The following AKR1D1 variants were observed in gnomAD, a reference collection of about 807,000 sequenced individuals.
AKR1D1 encodes delta(4)-3-ketosteroid 5-beta-reductase.
AKR1D1 carries 32 observed loss-of-function variants against 42.6 expected under a neutral mutation model. The ratio of observed to expected loss-of-function variants is 0.75; its 90% CI spans 0.57 to 1.01. The LOEUF is 1.01. Among genes scored for constraint, AKR1D1 ranks in the 50% least tolerant of loss-of-function variants. AKR1D1 has a pLI of 0.00. For synonymous variants in AKR1D1, 123 were observed against 135.5 expected (o/e 0.91, Z 0.64); for missense variants, 364 against 402.2 (o/e 0.91, Z 0.81).
intron 8 of AKR1D1, among the ~76,000 whole-genome samples, chr7:138,114,607 C>T (rs1336731123): frequency 6.7e-6 from 1 of 148,514 alleles, no homozygotes; most frequent in Admixed American, 6.8e-5. Context: ...TTGCAGTGAG[C>T]CGAGATCATG....
In AKR1D1 at chr7:138,103,155, C is replaced by G. The variant is rs549801994; in HGVS notation, c.457-2152C>G. On this transcript the variant is annotated intron_variant, in intron 4 of 8. Transcript: ENST00000242375. ...ATCTACACATGCTCAGAAATTTTGC[C>G]ACATAAAGACTCACACTGGAAATCA... Among the ~76,000 whole-genome samples, 256 of 152,038 alleles carry G rather than the reference C, an allele frequency of 1.7e-3. 2 individuals carry two copies. Among genetic ancestry groups the G allele is most frequent in the African/African-American group, 6.0e-3 (249 of 41,468 alleles).
Position 138,115,570 on chromosome 7 carries a change from T to A in AKR1D1, c.939-1050T>A, listed in dbSNP as rs907070242. On this transcript the variant is annotated intron_variant, in intron 8 of 8. Transcript: ENST00000242375. ...TCTAGCAACTTCGGGGAAAAAAAAA[T>A]AACTCTTACCAGGAAATAACTAGAA... Among the ~76,000 whole-genome samples the A allele has an allele frequency of 1.2e-4, 18 of 152,146 alleles. 2 individuals are homozygous for A. The highest frequency in any genetic ancestry group is 5.2e-4 in the Admixed American group (8 of 15,286).
intron 7 of AKR1D1, among the ~76,000 whole-genome samples, chr7:138,112,560 T>C (rs1794555249): frequency 6.6e-6 from 1 of 152,144 alleles, no homozygotes; most frequent in Non-Finnish European, 1.5e-5. Context: ...ATTTTCCTCT[T>C]AATGTGTGTA....
intron 1 of AKR1D1, among the ~76,000 whole-genome samples, chr7:138,082,698 T>G (rs755732167): frequency 6.6e-6 from 1 of 152,222 alleles, no homozygotes; most frequent in African/African-American, 2.4e-5. Context: ...CTCAAGCTTA[T>G]TTCTTTAATC....
intron 5 of AKR1D1, among the ~76,000 whole-genome samples, chr7:138,105,655 C>A (rs1030099898): frequency 6.6e-6 from 1 of 152,014 alleles, no homozygotes; most frequent in Non-Finnish European, 1.5e-5. Flanking sequence ...TTTGGGAGGC[C>A]GAGGCAGGCG....
chr7:138,116,525 G>A, intron 8 of AKR1D1, 95 bp from the exon 9 acceptor site: 2 of 1,291,454 alleles, frequency 1.5e-6, no homozygotes, highest in Non-Finnish European at 1.1e-6. Context: ...GGAGAGAGGG[G>A]TAGTGGTCAG....
At chr7:138,081,506 CTTTTTTTTT>C (rs61466734) in intron 1 of AKR1D1, among the ~76,000 whole-genome samples, 2 of 47,618 alleles carry the variant, frequency 4.2e-5, no homozygotes, top group African/African-American at 1.0e-4. Context: ...GAACTCCTAC[CTTTTTTTTT>C]TTTTTTTTTT....
At chr7:138,086,833 G>A (rs1044831258) in intron 1 of AKR1D1, among the ~76,000 whole-genome samples, 11 of 152,150 alleles carry the variant, frequency 7.2e-5, no homozygotes, top group African/African-American at 2.4e-4. Flanking sequence ...TCAGAAAATA[G>A]AATCAACCCT....
At chr7:138,100,437 A>C (rs1423237424) in intron 4 of AKR1D1, among the ~76,000 whole-genome samples, 1 of 152,134 alleles carries the variant, frequency 6.6e-6, no homozygotes, top group African/African-American at 2.4e-5. Flanking sequence ...GGTTAAAAGC[A>C]AAAGTCTTTC....
At chr7:138,090,682 T>C (rs899206816) in intron 2 of AKR1D1, among the ~76,000 whole-genome samples, 3 of 151,424 alleles carry the variant, frequency 2.0e-5, no homozygotes, top group Non-Finnish European at 4.4e-5. Flanking sequence ...TCTAAACTTA[T>C]ATCCCCCCAA....
intron 2 of AKR1D1, among the ~76,000 whole-genome samples, chr7:138,091,467 C>A (rs1794075601): frequency 6.6e-6 from 1 of 152,150 alleles, no homozygotes; most frequent in Non-Finnish European, 1.5e-5. Context: ...AGAGTTTTAT[C>A]AGCTCATCCT....
chr7:138,089,566 G>C (rs768631045), intron 2 of AKR1D1, among the ~76,000 whole-genome samples: 13 of 152,034 alleles, frequency 8.6e-5, no homozygotes, highest in Non-Finnish European at 1.9e-4. Context: ...TACTATGATA[G>C]AGGCTAAAGT....
Position 138,091,819 on chromosome 7 carries a change from A to C in AKR1D1, c.313A>C (p.Thr105Pro), listed in dbSNP as rs376123232. ...GATGGTCCGCCCAACCCTGGAGAGG[A>C]CACTCAGGGTCCTCCAGCTAGATTA... ...PEMVRPTLER[T>P]LRVLQLDYVD... is the part of the protein sequence containing the mutation. The change falls in exon 3 of 9, where the codon ACA (threonine) becomes CCA (proline). Residue 105 changes from threonine (T) to proline (P), a missense_variant. Coordinates refer to ENST00000242375, the MANE Select transcript of AKR1D1 (RefSeq NM_005989.4). 1 of 1,614,050 alleles carries C rather than the reference A, an allele frequency of 6.2e-7. No individual in the cohort carries two copies. The highest frequency in any genetic ancestry group is 1.3e-5 in the African/African-American group (1 of 74,930).
intron 1 of AKR1D1, among the ~76,000 whole-genome samples, chr7:138,078,087 GAGTAGCTGGGACCACA>G (rs1406200650): frequency 2.0e-5 from 3 of 152,132 alleles, no homozygotes; most frequent in African/African-American, 7.2e-5. Flanking sequence ...TCAACCTCCT[GAGTAGCTGGGACCACA>G]GGCAGGTGCC....
chr7:138,099,721 G>A (rs945670783), intron 4 of AKR1D1, among the ~76,000 whole-genome samples: 5 of 152,046 alleles, frequency 3.3e-5, no homozygotes, highest in Middle Eastern at 3.4e-3. Context: ...GAAACAAGAA[G>A]GTGGGCATAG....
intron 8 of AKR1D1, among the ~76,000 whole-genome samples, chr7:138,116,249 G>T (rs868780222): frequency 6.6e-6 from 1 of 152,148 alleles, no homozygotes; most frequent in African/African-American, 2.4e-5. Flanking sequence ...GAAGAGAAAT[G>T]CCCATGTAGT....
chr7:138,094,046 G>C (rs1462384669), intron 3 of AKR1D1, among the ~76,000 whole-genome samples: 3 of 152,132 alleles, frequency 2.0e-5, no homozygotes, highest in Non-Finnish European at 4.4e-5. Context: ...TTTTGGACTT[G>C]ATAGATAATT....
chr7:138,114,586 G>A (rs1367580553), intron 8 of AKR1D1, among the ~76,000 whole-genome samples: 1 of 149,360 alleles, frequency 6.7e-6, no homozygotes, highest in Non-Finnish European at 1.5e-5. Context: ...CCTGAACCCA[G>A]GAGGCAGAGG....
chr7:138,081,056 T>G (rs73155730), intron 1 of AKR1D1, among the ~76,000 whole-genome samples: 17,373 of 152,226 alleles, frequency 0.11, 1,075 homozygotes, highest in East Asian at 0.21. Flanking sequence ...AAAGGAGTGT[T>G]CTCTGGGCCC....
Sources: allele counts gnomAD v4.1 joint callset (sites outside exome capture counted in the v4.1 genomes callset), GRCh38; gene constraint gnomAD v4.1.1; transcripts MANE v1.5; gene names NCBI Gene and HGNC (gene_info 2026-07-23, HGNC 2026-07-21).